Variants in SCLT1 observed in about 807,000 individuals in gnomAD.
SCLT1 encodes the protein sodium channel-associated protein 1.
A neutral mutation model predicts 112.8 loss-of-function variants in SCLT1; 78 were observed. The ratio of observed to expected loss-of-function variants is 0.69; its 90% CI spans 0.58 to 0.83. SCLT1 has a LOEUF of 0.83. Among genes scored for constraint, SCLT1 ranks in the 40% least tolerant of loss-of-function variants. The pLI, the probability that SCLT1 is intolerant of heterozygous loss-of-function variation, is 0.00. For missense variants in SCLT1, 747 were observed against 770.4 expected (o/e 0.97, Z 0.36); for synonymous variants, 257 against 254.7 (o/e 1.01, Z -0.09).
chr4:129,011,978 A>C (rs1744566962), intron 5 of SCLT1, among the ~76,000 whole-genome samples: 1 of 151,978 alleles, frequency 6.6e-6, no homozygotes, highest in Admixed American at 6.6e-5. Context: ...TTTCCAAAAA[A>C]CCAGCTTCTG....
chr4:128,892,662 A>G (rs1733418139), intron 18 of SCLT1, among the ~76,000 whole-genome samples: 1 of 152,366 alleles, frequency 6.6e-6, no homozygotes, highest in East Asian at 1.9e-4. Flanking sequence ...CTATTCAATT[A>G]TACAAATAGT....
At chr4:128,957,200 C>T (rs1739293914) in intron 12 of SCLT1, 76 bp from the exon 13 acceptor site, 1 of 748,974 alleles carries the variant, frequency 1.3e-6, no homozygotes, top group African/African-American at 1.8e-5. Context: ...AACCTATCCA[C>T]TAGTCACTTC....
chr4:129,027,701 A>G (rs1746251774), intron 5 of SCLT1, among the ~76,000 whole-genome samples: 1 of 152,180 alleles, frequency 6.6e-6, no homozygotes. Context: ...AGAAGGAAAT[A>G]AAGGGTATTC....
intron 1 of SCLT1, among the ~76,000 whole-genome samples, chr4:129,092,430 T>C (rs543842707): frequency 5.9e-5 from 9 of 152,364 alleles, no homozygotes; most frequent in East Asian, 5.8e-4. Flanking sequence ...TTCAGCCCAA[T>C]AGCACCTTCC....
At chr4:128,987,316 T>G (rs1364372769) in intron 9 of SCLT1, among the ~76,000 whole-genome samples, 1 of 152,050 alleles carries the variant, frequency 6.6e-6, no homozygotes, top group Non-Finnish European at 1.5e-5. Context: ...ACGAAGAACA[T>G]CCAGAAAAAC....
Position 128,946,059 on chromosome 4 carries a change from GATC to G in SCLT1, c.1384_1386del (p.Asp462del). On this transcript the variant is annotated inframe_deletion, in exon 16 of 21. Transcript: ENST00000281142. Reference sequence around the variant, plus strand: ...TCTGCTCTCGTAAGTCTTAGCTGAAGATCATCTTTTGAACGCTCTGAAACCAGG... The same window carrying G: ...TCTGCTCTCGTAAGTCTTAGCTGAAGATCTTTTGAACGCTCTGAAACCAGG... The G allele has an allele frequency of 1.9e-6, 3 of 1,611,174 alleles. No individual in the cohort carries two copies. Among genetic ancestry groups the G allele is most frequent in the South Asian group, 2.2e-5 (2 of 90,956 alleles).
intron 18 of SCLT1, among the ~76,000 whole-genome samples, chr4:128,929,038 G>C (rs981507977): frequency 2.0e-5 from 3 of 152,094 alleles, no homozygotes; most frequent in African/African-American, 7.2e-5. Flanking sequence ...GGAAGTCCTA[G>C]CTAGTGCAAT....
chr4:129,062,137 T>A (rs762753516), intron 2 of SCLT1, among the ~76,000 whole-genome samples: 3 of 152,158 alleles, frequency 2.0e-5, no homozygotes, highest in Non-Finnish European at 4.4e-5. Flanking sequence ...CTTTCCCAAG[T>A]AGAGAGAAAT....
At chr4:129,031,508 G>C (rs1746716919) in intron 5 of SCLT1, among the ~76,000 whole-genome samples, 1 of 152,130 alleles carries the variant, frequency 6.6e-6, no homozygotes, top group Non-Finnish European at 1.5e-5. Context: ...AATAGGAAGA[G>C]AGGAAGTCAA....
rs1456746671 is a variant in SCLT1 at position 128,884,378 on chromosome 4, G to A, written c.*99C>T. On this transcript the variant is annotated 3_prime_UTR_variant, in exon 21 of 21. Transcript: ENST00000281142. ...ACAATGCTTACGCGAAATAACACAA[G>A]CCTTAACTATTATACTTTGCAGGCT... 5.6e-6 allele frequency: 4 copies of A among 719,516 alleles called. No homozygotes were observed. The highest frequency in any genetic ancestry group is 2.3e-5 in the Admixed American group (1 of 43,774). 44.6% of individuals were successfully genotyped at this position (719,516 alleles called of 1,614,324 possible).
chr4:128,995,633 C>A (rs965847188), intron 8 of SCLT1, among the ~76,000 whole-genome samples: 22 of 152,272 alleles, frequency 1.4e-4, no homozygotes, highest in African/African-American at 4.3e-4. Flanking sequence ...CCTCTACCAA[C>A]TCTTTCCCTC....
Position 129,081,722 on chromosome 4 carries a change from G to A in SCLT1, c.102+584C>T, listed in dbSNP as rs115854000. Among the ~76,000 whole-genome samples the A allele has an allele frequency of 9.6e-3, 1,463 of 152,160 alleles. 17 individuals are homozygous for A. Among genetic ancestry groups the A allele is most frequent in the African/African-American group, 0.028 (1,174 of 41,508 alleles). ...TACAATTCCACATGAGATTTGGGCGGGGACACAGATCCAAACCAGATTAAG... is the reference window on the plus strand; with the variant it reads ...TACAATTCCACATGAGATTTGGGCGAGGACACAGATCCAAACCAGATTAAG... On this transcript the variant is annotated intron_variant, in intron 2 of 20. Transcript: ENST00000281142.
At chr4:129,016,929 ACT>A (rs772835940) in intron 5 of SCLT1, among the ~76,000 whole-genome samples, 23 of 152,118 alleles carry the variant, frequency 1.5e-4, no homozygotes, top group Non-Finnish European at 3.1e-4. Context: ...TACAGTACCT[ACT>A]CTGTCATTAA....
At chr4:128,958,016 T>C (rs1156815534) in intron 12 of SCLT1, among the ~76,000 whole-genome samples, 1 of 152,180 alleles carries the variant, frequency 6.6e-6, no homozygotes, top group African/African-American at 2.4e-5. Flanking sequence ...CTTCTCTTAG[T>C]GGTCTAATCA....
At chr4:129,048,007 T>C (rs1433624498) in intron 2 of SCLT1, among the ~76,000 whole-genome samples, 3 of 152,162 alleles carry the variant, frequency 2.0e-5, no homozygotes, top group East Asian at 3.8e-4. Context: ...CATTTGTCTA[T>C]ATTTGCCTTT....
chr4:128,912,484 G>A (rs1321988977), intron 18 of SCLT1, among the ~76,000 whole-genome samples: 5 of 151,936 alleles, frequency 3.3e-5, no homozygotes, highest in Admixed American at 3.3e-4. Context: ...ATGACCAATA[G>A]GTAAGATAGG....
intron 2 of SCLT1, among the ~76,000 whole-genome samples, chr4:129,072,433 C>T (rs529749739): frequency 1.1e-4 from 16 of 152,158 alleles, no homozygotes; most frequent in Non-Finnish European, 1.8e-4. Flanking sequence ...TCCTCAGGAA[C>T]ACCAATTATT....
At chr4:128,968,252 C>T (rs537245505) in intron 10 of SCLT1, among the ~76,000 whole-genome samples, 1 of 152,084 alleles carries the variant, frequency 6.6e-6, no homozygotes, top group Admixed American at 6.6e-5. Context: ...AGCTCTTGTT[C>T]ATTTTTCTTC....
intron 2 of SCLT1, among the ~76,000 whole-genome samples, chr4:129,046,156 A>T (rs1748157412): frequency 6.6e-6 from 1 of 152,118 alleles, no homozygotes; most frequent in Non-Finnish European, 1.5e-5. Flanking sequence ...AAATCAAGCA[A>T]CAGAATACAA....
Sources: gnomAD v4.1 joint callset for allele counts (sites outside exome capture counted in the v4.1 genomes callset) on GRCh38, gnomAD v4.1.1 for gene constraint, MANE v1.5 for transcripts, NCBI Gene and HGNC (gene_info 2026-07-23, HGNC 2026-07-21) for gene names.